Variants in PID1 observed in about 807,000 individuals in gnomAD.
PID1 encodes the protein PTB-containing, cubilin and LRP1-interacting protein.
In PID1, 10 loss-of-function variants were observed where a neutral mutation model predicts 19.1. That is an observed-to-expected ratio of 0.52 (90% CI 0.32 to 0.89). PID1 has a LOEUF of 0.89. Ranked by LOEUF, PID1 falls within the 40% of genes least tolerant of loss-of-function variation. PID1 has a pLI of 0.03. For missense variants in PID1, 248 were observed against 285.3 expected, an observed-to-expected ratio of 0.87 and a Z score of 0.94; for synonymous variants, 130 against 116.0, an observed-to-expected ratio of 1.12 and a Z score of -0.78.
chr2:229,132,797 A>T (rs979122433), intron 2 of PID1, among the ~76,000 whole-genome samples: 7 of 152,218 alleles, frequency 4.6e-5, no homozygotes, highest in African/African-American at 1.7e-4. Flanking sequence ...AAATGCTGTC[A>T]TTATTAAATA....
intron 1 of PID1, among the ~76,000 whole-genome samples, chr2:229,246,890 A>C (rs1277716989): frequency 6.6e-6 from 1 of 152,166 alleles, no homozygotes. Context: ...GCAATTTGCA[A>C]AATGGAGAAG....
intron 1 of PID1, among the ~76,000 whole-genome samples, chr2:229,185,418 C>A (rs1012053742): frequency 2.6e-5 from 4 of 152,118 alleles, no homozygotes; most frequent in African/African-American, 9.7e-5. Flanking sequence ...CAAGTCTTTC[C>A]CCCTGTATTA....
Position 229,208,143 on chromosome 2 carries a change from A to G in PID1, c.31-52179T>C, listed in dbSNP as rs759551396. ...GATGGCTTCATTGACTCTTCCTACC[A>G]GGTCAATGAATGAGTCCATTTCTGG... On this transcript the variant is annotated intron_variant, in intron 1 of 2. Transcript: ENST00000392055. 4.3e-4 allele frequency among the ~76,000 whole-genome samples: 66 copies of G among 152,284 alleles called. 1 individual carries two copies. The highest frequency in any genetic ancestry group is 8.4e-4 in the Non-Finnish European group (57 of 68,026).
At chr2:229,080,429 T>A (rs763904752) in intron 2 of PID1, among the ~76,000 whole-genome samples, 1 of 152,120 alleles carries the variant, frequency 6.6e-6, no homozygotes, top group Admixed American at 6.5e-5. Context: ...CCAACACCCA[T>A]CCTAGCTTCC....
At chr2:229,081,653 G>A (rs1694670924) in intron 2 of PID1, among the ~76,000 whole-genome samples, 1 of 152,176 alleles carries the variant, frequency 6.6e-6, no homozygotes, top group South Asian at 2.1e-4. Flanking sequence ...TCCTTGTTCT[G>A]AGTTACAAAA....
intron 2 of PID1, among the ~76,000 whole-genome samples, chr2:229,118,075 A>C (rs147677655): frequency 6.6e-6 from 1 of 152,290 alleles, no homozygotes; most frequent in African/African-American, 2.4e-5. Context: ...GGTGACTAAA[A>C]CAGAACCTAG....
intron 2 of PID1, among the ~76,000 whole-genome samples, chr2:229,050,925 GAA>G (rs1693983826): frequency 6.6e-6 from 1 of 152,180 alleles, no homozygotes; most frequent in Non-Finnish European, 1.5e-5. Context: ...TATTTTCTAT[GAA>G]GAAAATAGCT....
chr2:229,265,196 C>T (rs1215080697), intron 1 of PID1, among the ~76,000 whole-genome samples: 1 of 152,060 alleles, frequency 6.6e-6, no homozygotes, highest in African/African-American at 2.4e-5. Flanking sequence ...GCTAAGAAGG[C>T]CATTACTGGA....
chr2:229,262,608 A>G, intron 1 of PID1: 1 of 1,497,122 alleles, frequency 6.7e-7, no homozygotes, highest in Non-Finnish European at 8.9e-7. Flanking sequence ...TCACTGGTGT[A>G]GTAGCTACCT....
rs570406034 is a variant in PID1 at position 229,097,180 on chromosome 2, T to C, written c.177+58638A>G. ...TGTGTGAAATCACTTTAAGCTGGTA[T>C]ACAAGTGTCTTACTGTAAACTTCAA... On this transcript the variant is annotated intron_variant, in intron 2 of 2. Transcript: ENST00000392055. 2.0e-5 allele frequency among the ~76,000 whole-genome samples: 3 copies of C among 152,332 alleles called. No individual in the cohort carries two copies. In the East Asian group the frequency reaches 5.8e-4, roughly 29 times the overall value.
At chr2:229,238,740 G>A (rs549350125) in intron 1 of PID1, among the ~76,000 whole-genome samples, 2 of 152,040 alleles carry the variant, frequency 1.3e-5, no homozygotes, top group Non-Finnish European at 2.9e-5. Context: ...GGGATAAGAG[G>A]AGACAGGCAT....
At position 229,265,969 on chromosome 2, in the gene PID1, C is replaced by T. The variant is rs141283697; in HGVS notation, c.30+5045G>A. 2.0e-5 allele frequency among the ~76,000 whole-genome samples: 3 copies of T among 152,242 alleles called. No homozygotes were observed. The East Asian group carries it at 5.8e-4, about 29-fold the overall frequency. On this transcript the variant is annotated intron_variant, in intron 1 of 2. Transcript: ENST00000392055. ...TAAGCAAGGGGCACAGAGTTTGTTC[C>T]CAGGCTAGGATTTTGCAAATCGCTT...
intron 1 of PID1, among the ~76,000 whole-genome samples, chr2:229,255,530 G>T (rs1052905842): frequency 3.9e-5 from 6 of 152,132 alleles, no homozygotes; most frequent in Admixed American, 3.9e-4. Context: ...TCTTCCATTG[G>T]CTGATAATCT....
At chr2:229,030,813 T>C (rs1449441317) in intron 2 of PID1, among the ~76,000 whole-genome samples, 1 of 152,098 alleles carries the variant, frequency 6.6e-6, no homozygotes, top group Non-Finnish European at 1.5e-5. Context: ...AGAAATAAGG[T>C]TGTATTTTGG....
At chr2:229,090,224 G>T (rs1170004607) in intron 2 of PID1, among the ~76,000 whole-genome samples, 1 of 152,106 alleles carries the variant, frequency 6.6e-6, no homozygotes, top group African/African-American at 2.4e-5. Flanking sequence ...CATCAAATAA[G>T]CTAATCAACA....
At chr2:229,124,927 G>A (rs1436951028) in intron 2 of PID1, among the ~76,000 whole-genome samples, 1 of 152,130 alleles carries the variant, frequency 6.6e-6, no homozygotes, top group Non-Finnish European at 1.5e-5. Flanking sequence ...CGAATTAGAT[G>A]TCTTTATTTT....
At chr2:229,088,192 G>A (rs1694806009) in intron 2 of PID1, among the ~76,000 whole-genome samples, 1 of 152,184 alleles carries the variant, frequency 6.6e-6, no homozygotes, top group South Asian at 2.1e-4. Context: ...TGAAATAGGT[G>A]AGTCCTTATG....
At position 229,155,846 on chromosome 2, in the gene PID1, A is replaced by G. The variant is rs772979459; in HGVS notation, c.149T>C (p.Met50Thr). ...GCAGCCACTGTGAGTCCTTGTCTTC[A>G]TCAGCGGTGTGGTCGTGCACAGCTC... Reference protein sequence around the residue: ...AIELCTTTPLMKTRTHSGCKV... With the variant: ...AIELCTTTPLTKTRTHSGCKV... The change falls in exon 2 of 3, where the codon ATG (methionine) becomes ACG (threonine). Residue 50 changes from methionine (M) to threonine (T), a missense_variant. Transcript: ENST00000392055. 2.2e-5 allele frequency: 36 copies of G among 1,613,350 alleles called. No homozygotes were observed. The highest frequency in any genetic ancestry group is 1.8e-4 in the Middle Eastern group (1 of 5,654).
At chr2:229,166,823 C>T (rs1187357482) in intron 1 of PID1, among the ~76,000 whole-genome samples, 1 of 151,988 alleles carries the variant, frequency 6.6e-6, no homozygotes, top group African/African-American at 2.4e-5. Context: ...GAGGACTTGT[C>T]GGATGAACGC....
Sources: gnomAD v4.1 joint callset for allele counts (sites outside exome capture counted in the v4.1 genomes callset) on GRCh38, gnomAD v4.1.1 for gene constraint, MANE v1.5 for transcripts, NCBI Gene and HGNC (gene_info 2026-07-23, HGNC 2026-07-21) for gene names.